Variants in HPSE2 observed in about 807,000 individuals in gnomAD.
HPSE2 encodes the protein heparanase 2 (inactive).
In HPSE2, 38 loss-of-function variants were observed where a neutral mutation model predicts 60.5. That is an observed-to-expected ratio of 0.63 (90% CI 0.48 to 0.82). The LOEUF (loss-of-function observed/expected upper bound fraction) is 0.82. Among genes scored for constraint, HPSE2 ranks in the 40% least tolerant of loss-of-function variants. HPSE2 has a pLI of 0.00. For missense variants in HPSE2, 713 were observed against 740.4 expected (o/e 0.96, Z 0.43); for synonymous variants, 295 against 293.2 (o/e 1.01, Z -0.06).
chr10:99,314,974 G>A, the HPSE2 span, among the ~76,000 whole-genome samples: 1 of 152,170 alleles, frequency 6.6e-6, no homozygotes, highest in African/African-American at 2.4e-5. Context: ...AAGATTTGTT[G>A]CTCCAAGATT....
chr10:98,929,021 T>TAAATA (rs1954569502), intron 3 of HPSE2, among the ~76,000 whole-genome samples: 2 of 116,898 alleles, frequency 1.7e-5, no homozygotes, highest in South Asian at 5.2e-4. Flanking sequence ...TAAATAAATA[T>TAAATA]TTTTTAGTCT....
chr10:99,301,116 C>T, the HPSE2 span, among the ~76,000 whole-genome samples: 2 of 152,164 alleles, frequency 1.3e-5, no homozygotes, highest in East Asian at 1.9e-4. Flanking sequence ...AGGATGCTTT[C>T]TTTTTATATT....
intron 9 of HPSE2, among the ~76,000 whole-genome samples, chr10:98,558,417 A>G (rs1024960600): frequency 6.6e-6 from 1 of 152,256 alleles, no homozygotes; most frequent in Non-Finnish European, 1.5e-5. Flanking sequence ...CAAGTGAGAT[A>G]CCATCCCACA....
At chr10:98,916,909 T>A (rs1954134132) in intron 3 of HPSE2, among the ~76,000 whole-genome samples, 2 of 152,330 alleles carry the variant, frequency 1.3e-5, no homozygotes, top group East Asian at 3.9e-4. Flanking sequence ...CTAGAGCATC[T>A]ATCTTCAGAA....
intron 9 of HPSE2, among the ~76,000 whole-genome samples, chr10:98,504,068 G>GAAAT (rs980878860): frequency 2.0e-5 from 3 of 152,140 alleles, no homozygotes; most frequent in Non-Finnish European, 4.4e-5. Context: ...TACGAAAGGT[G>GAAAT]AAATAAATAA....
At chr10:98,755,812 A>G (rs1589771110) in intron 3 of HPSE2, among the ~76,000 whole-genome samples, 1 of 152,090 alleles carries the variant, frequency 6.6e-6, no homozygotes, top group East Asian at 1.9e-4. Flanking sequence ...CCTGGCCAAC[A>G]TGGTGAAACC....
At chr10:99,267,983 G>C in the HPSE2 span, among the ~76,000 whole-genome samples, 1 of 152,046 alleles carries the variant, frequency 6.6e-6, no homozygotes, top group Non-Finnish European at 1.5e-5. Flanking sequence ...AAAGATCATC[G>C]CCTAGGCACA....
intron 8 of HPSE2, among the ~76,000 whole-genome samples, chr10:98,618,075 C>T (rs1482712885): frequency 6.6e-6 from 1 of 152,100 alleles, no homozygotes; most frequent in African/African-American, 2.4e-5. Flanking sequence ...GCAATTTATG[C>T]CCCTTGGAGA....
chr10:98,848,147 G>A (rs1345836940), intron 3 of HPSE2, among the ~76,000 whole-genome samples: 1 of 152,188 alleles, frequency 6.6e-6, no homozygotes, highest in Non-Finnish European at 1.5e-5. Flanking sequence ...GCCAGGTGTG[G>A]TGGCTCACGC....
chr10:99,270,878 C>A, the HPSE2 span, among the ~76,000 whole-genome samples: 4 of 152,010 alleles, frequency 2.6e-5, no homozygotes, highest in Non-Finnish European at 2.9e-5. Context: ...GAATTAAAAA[C>A]AAAAATCACA....
chr10:98,495,306 T>A (rs1941796130), intron 9 of HPSE2, among the ~76,000 whole-genome samples: 1 of 152,188 alleles, frequency 6.6e-6, no homozygotes, highest in Admixed American at 6.5e-5. Flanking sequence ...CTCATGCTGC[T>A]TTCAAGATTT....
chr10:98,708,076 T>C (rs188280162), intron 5 of HPSE2, among the ~76,000 whole-genome samples: 4 of 152,214 alleles, frequency 2.6e-5, no homozygotes, highest in Admixed American at 6.5e-5. Flanking sequence ...GTTGTCTACT[T>C]GGGAAAAAAA....
chr10:99,264,567 A>G, the HPSE2 span, among the ~76,000 whole-genome samples: 2 of 152,204 alleles, frequency 1.3e-5, no homozygotes, highest in African/African-American at 4.8e-5. Flanking sequence ...CAACATAAAA[A>G]AACTCAAGGG....
intron 2 of HPSE2, among the ~76,000 whole-genome samples, chr10:99,222,780 C>T (rs1849355457): frequency 6.6e-6 from 1 of 152,130 alleles, no homozygotes; most frequent in Admixed American, 6.5e-5. Context: ...TAAAATGTGA[C>T]AATCATTTCT....
chr10:99,245,274 T>C, the HPSE2 span, among the ~76,000 whole-genome samples: 5 of 152,324 alleles, frequency 3.3e-5, no homozygotes, highest in South Asian at 1.0e-3. Context: ...GAGTAGGGCC[T>C]GAGAATATTC....
chr10:98,656,140 G>T lies in HPSE2; in HGVS notation c.1005-14200C>A, dbSNP rs538614522. ...CTTGCTCTGTTGCCCAGGCTGGAGC[G>T]CAATGGCGCAATCTCAGCTCACTGC... On this transcript the variant is annotated intron_variant, in intron 6 of 11. Coordinates refer to ENST00000370552, the MANE Select transcript of HPSE2 (RefSeq NM_021828.5). Among the ~76,000 whole-genome samples the T allele has an allele frequency of 6.8e-4, 102 of 150,592 alleles. 1 individual carries two copies. Among genetic ancestry groups the T allele is most frequent in the African/African-American group, 2.3e-3 (96 of 40,930 alleles).
At chr10:98,885,161 G>A (rs1298579165) in intron 3 of HPSE2, among the ~76,000 whole-genome samples, 1 of 152,132 alleles carries the variant, frequency 6.6e-6, no homozygotes, top group Non-Finnish European at 1.5e-5. Flanking sequence ...AGACTTCAGT[G>A]GGGGAAGTAA....
intron 5 of HPSE2, among the ~76,000 whole-genome samples, chr10:98,697,968 AG>A (rs1238053743): frequency 6.7e-6 from 1 of 149,908 alleles, no homozygotes; most frequent in African/African-American, 2.5e-5. Context: ...CACCCAATAC[AG>A]GAGCACCCAG....
the HPSE2 span, among the ~76,000 whole-genome samples, chr10:99,275,947 T>C: frequency 1.3e-5 from 2 of 152,104 alleles, no homozygotes; most frequent in African/African-American, 2.4e-5. Context: ...GTAATGTTAA[T>C]GACTTATTAA....
Sources: gnomAD v4.1 joint callset for allele counts (sites outside exome capture counted in the v4.1 genomes callset) on GRCh38, gnomAD v4.1.1 for gene constraint, MANE v1.5 for transcripts, NCBI Gene and HGNC (gene_info 2026-07-23, HGNC 2026-07-21) for gene names.